Variants in ADGRG6 observed in about 807,000 individuals in gnomAD.
The protein encoded by ADGRG6 is G-protein coupled receptor 126.
In ADGRG6, 84 loss-of-function variants were observed where a neutral mutation model predicts 142.4. That is an observed-to-expected ratio of 0.59 (90% CI 0.49 to 0.71). ADGRG6 has a LOEUF of 0.71. ADGRG6 is among the 30% of genes least tolerant of loss of function. ADGRG6 has a pLI of 0.00. For missense variants in ADGRG6, 1,367 were observed against 1,466.6 expected, an observed-to-expected ratio of 0.93 and a Z score of 1.11; for synonymous variants, 521 against 520.5, an observed-to-expected ratio of 1.00 and a Z score of -0.01.
intron 2 of ADGRG6, among the ~76,000 whole-genome samples, chr6:142,363,477 C>A (rs554449221): frequency 3.9e-5 from 6 of 152,234 alleles, no homozygotes; most frequent in African/African-American, 1.4e-4. Context: ...AAAATACGCA[C>A]AAGTAAATTA....
chr6:142,402,738 A>C lies in ADGRG6; in HGVS notation c.1863A>C (p.Glu621Asp), dbSNP rs753323388. Residue 621 changes from glutamate (E) to aspartate (D), a missense_variant, in exon 13 of 25, where the codon GAA (glutamate) becomes GAC (aspartate). Around this residue, in one of 3 missense-constraint regions of ADGRG6, gnomAD observed 737 missense variants for 746.5 expected, o/e 0.99. Transcript: ENST00000367609. Reference sequence around the variant, plus strand: ...TCAAAAGAATTGTGAATAAAGAAGAAAACATTGATATAACACTTGGCTCAA... The same window carrying C: ...TCAAAAGAATTGTGAATAAAGAAGACAACATTGATATAACACTTGGCTCAA... ...EQVKRIVNKE[E>D]NIDITLGSTL... 1.1e-5 allele frequency: 17 copies of C among 1,598,714 alleles called. No homozygotes were observed. Among genetic ancestry groups the C allele is most frequent in the Non-Finnish European group, 1.2e-5 (14 of 1,166,672 alleles).
chr6:142,402,623 A>C lies in ADGRG6; in HGVS notation c.1748A>C (p.Glu583Ala). The change falls in exon 13 of 25, where the codon GAA (glutamate) becomes GCA (alanine). Residue 583 changes from glutamate to alanine, a missense_variant. Physicochemically the swap from Glu to Ala is moderately radical, Grantham distance 107. Transcript: ENST00000367609. ...GPVDISNCLK[E>A]ANEVANQILN... is the part of the protein sequence containing the mutation. ...TTTTCTTCTGCCTTTGTTTTAGAAG[A>C]AGCAAATGAAGTTGCTAACCAGATT... 1 of 1,546,146 alleles carries C rather than the reference A, an allele frequency of 6.5e-7. No individual in the cohort carries two copies. Among genetic ancestry groups the C allele is most frequent in the Non-Finnish European group, 8.9e-7 (1 of 1,126,194 alleles).
Position 142,370,783 on chromosome 6 carries a change from C to T in ADGRG6, c.1059C>T (p.Asn353=). 2 of 1,612,548 alleles carry T rather than the reference C, an allele frequency of 1.2e-6. No individual in the cohort carries two copies. The highest frequency in any genetic ancestry group is 8.5e-7 in the Non-Finnish European group (1 of 1,179,108). ...IPNLALKAES[N]LSCGSYLIPL... The stretch of plus-strand genomic sequence containing the variant: ...ACCTAGCTCTGAAAGCTGAAAGCAA[C>T]CTAAGCTGTGGTGAGTTTGTAGCGT... Residue 353 remains asparagine, a synonymous_variant, in exon 4 of 25, where the codon AAC becomes AAT. Coordinates refer to ENST00000367609, the MANE Select transcript of ADGRG6 (RefSeq NM_198569.3).
Position 142,367,816 on chromosome 6 carries a change from C to T in ADGRG6, c.351C>T (p.Gly117=). Residue 117 remains glycine, a synonymous_variant, in exon 3 of 25, where the codon GGC becomes GGT. Coordinates refer to ENST00000367609, the MANE Select transcript of ADGRG6 (RefSeq NM_198569.3). Reference sequence around the variant, plus strand: ...AATTTTGTGGAGCAACTGCCAAAGGCCTATCATTTAACTCAAGTGCGAATG... The same window carrying T: ...AATTTTGTGGAGCAACTGCCAAAGGTCTATCATTTAACTCAAGTGCGAATG... The part of the protein sequence containing the change: ...QTKFCGATAK[G]LSFNSSANEM... 1 of 1,613,552 alleles carries T rather than the reference C, an allele frequency of 6.2e-7. No homozygotes were observed. The highest frequency in any genetic ancestry group is 1.1e-5 in the South Asian group (1 of 91,068).
intron 2 of ADGRG6, among the ~76,000 whole-genome samples, chr6:142,321,283 G>A (rs1328628090): frequency 3.1e-5 from 3 of 98,310 alleles, no homozygotes; most frequent in African/African-American, 1.2e-4. Flanking sequence ...AAATAAGCAT[G>A]CATACACACA....
rs149698063 is a variant in ADGRG6 at position 142,365,622 on chromosome 6, C to T, written c.104-1947C>T. 2.7e-3 allele frequency among the ~76,000 whole-genome samples: 413 copies of T among 152,312 alleles called. 3 individuals are homozygous for T. Among genetic ancestry groups the T allele is most frequent in the African/African-American group, 9.5e-3 (396 of 41,564 alleles). On this transcript the variant is annotated intron_variant, in intron 2 of 24. Coordinates refer to ENST00000367609, the MANE Select transcript of ADGRG6 (RefSeq NM_198569.3). ...GATAAGAGAAAGCATTTGGCAGACA[C>T]TTGATGATCATCATTTATTTTCCAT...
intron 2 of ADGRG6, among the ~76,000 whole-genome samples, chr6:142,363,754 A>C (rs1780823004): frequency 6.6e-6 from 1 of 152,160 alleles, no homozygotes; most frequent in South Asian, 2.1e-4. Flanking sequence ...CAAAGTAATT[A>C]CTTACTAGGC....
intron 2 of ADGRG6, among the ~76,000 whole-genome samples, chr6:142,317,242 CT>C (rs1554230285): frequency 2.6e-5 from 4 of 152,014 alleles, no homozygotes; most frequent in Non-Finnish European, 5.9e-5. Flanking sequence ...GAGATGTCTG[CT>C]TTTTTTATTG....
intron 22 of ADGRG6, among the ~76,000 whole-genome samples, chr6:142,423,491 G>A (rs771463281): frequency 1.1e-3 from 157 of 145,920 alleles, no homozygotes; most frequent in Non-Finnish European, 3.6e-4. Context: ...GATATGTGGC[G>A]TTATTTCTGA....
chr6:142,360,600 C>T (rs918883459), intron 2 of ADGRG6, among the ~76,000 whole-genome samples: 3 of 152,118 alleles, frequency 2.0e-5, no homozygotes, highest in African/African-American at 4.8e-5. Context: ...CTCTGTTTCT[C>T]AAAAGTCTGG....
At chr6:142,325,697 A>G (rs1376905782) in intron 2 of ADGRG6, among the ~76,000 whole-genome samples, 2 of 152,130 alleles carry the variant, frequency 1.3e-5, no homozygotes, top group Non-Finnish European at 2.9e-5. Flanking sequence ...ATATAGTTTC[A>G]AACTTTTACT....
chr6:142,384,457 T>C (rs958775155), intron 6 of ADGRG6, among the ~76,000 whole-genome samples: 1 of 152,148 alleles, frequency 6.6e-6, no homozygotes, highest in Non-Finnish European at 1.5e-5. Flanking sequence ...TTATTTATAA[T>C]TTGCAAATAC....
At chr6:142,341,522 TTATATAGTATATATAGTATATAA>T (rs1779637444) in intron 2 of ADGRG6, among the ~76,000 whole-genome samples, 1 of 118,192 alleles carries the variant, frequency 8.5e-6, no homozygotes, top group Non-Finnish European at 1.7e-5. Flanking sequence ...CTACATAATA[TTATATAGTATATATAGTATATAA>T]TATATAGTAT....
rs1779409038 is a variant in ADGRG6, at chr6:142,338,013, C to CTTTGTTTTTTTTTTTTTT, written c.103+28373_103+28390dup. On this transcript the variant is annotated intron_variant, in intron 2 of 24. Transcript: ENST00000367609. ...ACTAAATCCTTTTTATGCCTTGTAT[C>CTTTGTTTTTTTTTTTTTT]TTTGTTTTTTTTTTTTTTTTTTTTT... Among the ~76,000 whole-genome samples, 2 of 26,078 alleles carry CTTTGTTTTTTTTTTTTTT rather than the reference C, an allele frequency of 7.7e-5. 1 individual carries two copies. Among genetic ancestry groups the CTTTGTTTTTTTTTTTTTT allele is most frequent in the Non-Finnish European group, 1.4e-4 (2 of 14,596 alleles). 17.1% of individuals were successfully genotyped at this position (26,078 alleles called of 152,430 possible).
At chr6:142,329,197 A>T (rs762673331) in intron 2 of ADGRG6, among the ~76,000 whole-genome samples, 11 of 152,204 alleles carry the variant, frequency 7.2e-5, no homozygotes, top group South Asian at 6.2e-4. Context: ...ATGAATCATG[A>T]AGTATTGTTT....
chr6:142,365,051 G>T (rs1349604685), intron 2 of ADGRG6, among the ~76,000 whole-genome samples: 2 of 152,060 alleles, frequency 1.3e-5, no homozygotes, highest in African/African-American at 4.8e-5. Context: ...AGAGGTTGTT[G>T]CTTACTTTCC....
At chr6:142,383,315 A>C (rs1439561248) in intron 5 of ADGRG6, among the ~76,000 whole-genome samples, 1 of 152,110 alleles carries the variant, frequency 6.6e-6, no homozygotes, top group Non-Finnish European at 1.5e-5. Flanking sequence ...CTGAGATTTT[A>C]TTTCTCTAGT....
chr6:142,384,116 A>T (rs1781909952), intron 6 of ADGRG6, among the ~76,000 whole-genome samples: 1 of 152,130 alleles, frequency 6.6e-6, no homozygotes, highest in Admixed American at 6.5e-5. Flanking sequence ...AAAGGCATTT[A>T]ATTAGAAGGC....
intron 8 of ADGRG6, 52 bp downstream of exon 8, chr6:142,393,052 C>G (rs1774983874): frequency 1.0e-6 from 1 of 965,618 alleles, no homozygotes. Flanking sequence ...TAATTTAATG[C>G]TACTATTTGT....
Sources: gnomAD v4.1 joint callset for allele counts (sites outside exome capture counted in the v4.1 genomes callset) on GRCh38, gnomAD v4.1.1 for gene constraint, gnomAD v4.1.1 regional missense constraint, MANE v1.5 for transcripts, NCBI Gene and HGNC (gene_info 2026-07-23, HGNC 2026-07-21) for gene names.